The following PCYT1A variants were observed in gnomAD, a reference collection of about 807,000 sequenced individuals.
The protein encoded by PCYT1A is phosphate cytidylyltransferase 1A, choline.
Under a neutral mutation model 43.7 loss-of-function variants are expected in PCYT1A, and 25 were observed. The observed-to-expected ratio is 0.57, with a 90% CI of 0.42 to 0.80. The LOEUF (loss-of-function observed/expected upper bound fraction) is 0.80. Among genes scored for constraint, PCYT1A ranks in the 30% least tolerant of loss-of-function variants. The pLI is 0.00. For missense variants in PCYT1A, 421 were observed against 474.2 expected (o/e 0.89, Z 1.04); for synonymous variants, 172 against 170.7 (o/e 1.01, Z -0.06).
Position 196,268,521 on chromosome 3 carries a change from C to T in PCYT1A, c.117+1894G>A, listed in dbSNP as rs1037876661. Among the ~76,000 whole-genome samples, 5 of 152,116 alleles carry T rather than the reference C, an allele frequency of 3.3e-5. No individual in the cohort carries two copies. The highest frequency in any genetic ancestry group is 5.9e-5 in the Non-Finnish European group (4 of 68,020). Reference sequence around the variant, plus strand: ...TCTGCAGGCCAGGCACAGTGGCTCACGCCTGGTAATCCTAGCACTCTGGGA... The same window carrying T: ...TCTGCAGGCCAGGCACAGTGGCTCATGCCTGGTAATCCTAGCACTCTGGGA... On this transcript the variant is annotated intron_variant, in intron 2 of 8. Coordinates refer to ENST00000431016, the MANE Select transcript of PCYT1A (RefSeq NM_001312673.2). This position sits in a 1 kb window ranked among gnomAD's most constrained non-coding sequence, Gnocchi z 4.4.
chr3:196,276,566 G>A (rs1345765188), intron 1 of PCYT1A, among the ~76,000 whole-genome samples: 1 of 150,786 alleles, frequency 6.6e-6, no homozygotes, highest in African/African-American at 2.4e-5. Context: ...TCGCACCACT[G>A]CACTCCAGCC....
Position 196,242,378 on chromosome 3 carries a change from T to G in PCYT1A, c.565+184A>C. 1 of 707,248 alleles carries G rather than the reference T, an allele frequency of 1.4e-6. No individual in the cohort carries two copies. Among genetic ancestry groups the G allele is most frequent in the African/African-American group, 1.7e-5 (1 of 57,282 alleles). 43.8% of individuals were successfully genotyped at this position (707,248 alleles called of 1,614,324 possible). On this transcript the variant is annotated intron_variant, in intron 6 of 8. Coordinates refer to ENST00000431016, the MANE Select transcript of PCYT1A (RefSeq NM_001312673.2). This position sits in a 1 kb window ranked among gnomAD's most constrained non-coding sequence, Gnocchi z 4.2. ...GATGTTTAGACCAAGAATTGATGGA[T>G]GTCATGAACTGACGACAAAGAATTG...
intron 2 of PCYT1A, chr3:196,267,255 G>C (rs1392228499): frequency 2.2e-6 from 1 of 446,178 alleles, no homozygotes; most frequent in Non-Finnish European, 4.5e-6. Flanking sequence ...CTCAGTGAAA[G>C]AAGCCAGCCC....
intron 5 of PCYT1A, among the ~76,000 whole-genome samples, chr3:196,245,143 CT>C (rs780768606): frequency 3.5e-3 from 493 of 142,040 alleles, no homozygotes; most frequent in African/African-American, 6.8e-3. Context: ...CATTTCACTA[CT>C]TTTTTTTTTT....
In PCYT1A at chr3:196,267,242, A is replaced by C. The variant is rs1470314646; in HGVS notation, c.117+3173T>G. 3 of 440,948 alleles carry C rather than the reference A, an allele frequency of 6.8e-6. No homozygotes were observed. The Admixed American group carries it at 7.6e-5, about 11-fold the overall frequency. The allele number at this position is 440,948 out of a possible 1,614,324, so 27.3% of individuals were successfully genotyped here. ...TGCAGTACGAATGAATCTTCAAAAC[A>C]AGCTCAGTGAAAGAAGCCAGCCCCA... On this transcript the variant is annotated intron_variant, in intron 2 of 8. Transcript: ENST00000431016.
chr3:196,256,832 A>C (rs1724962874), intron 3 of PCYT1A, among the ~76,000 whole-genome samples: 1 of 151,958 alleles, frequency 6.6e-6, no homozygotes, highest in Non-Finnish European at 1.5e-5. Context: ...GTGAGCCACC[A>C]CTCCTGGCCC....
At chr3:196,241,738 G>T in intron 7 of PCYT1A, 1 of 1,301,922 alleles carries the variant, frequency 7.7e-7, no homozygotes. Flanking sequence ...TGGCTGTATG[G>T]CTTTATACGA....
Position 196,247,615 on chromosome 3 carries a change from GC to G in PCYT1A, c.335-98del, listed in dbSNP as rs1300322423. ...CCATCTTCTCCCACTGCTTAGGACT[GC>G]AACCATCTTCCCCAACTGGAAAAAA... On this transcript the variant is annotated intron_variant, in intron 4 of 8. Coordinates refer to ENST00000431016, the MANE Select transcript of PCYT1A (RefSeq NM_001312673.2). This position sits in a 1 kb window ranked among gnomAD's most constrained non-coding sequence, Gnocchi z 4.8. 3.4e-6 allele frequency: 4 copies of G among 1,183,162 alleles called. No homozygotes were observed. Among genetic ancestry groups the G allele is most frequent in the East Asian group, 2.4e-5 (1 of 42,462 alleles). The allele number at this position is 1,183,162 out of a possible 1,614,324, so 73.3% of individuals were successfully genotyped here.
chr3:196,241,131 T>TAA (rs1209954920), intron 7 of PCYT1A, among the ~76,000 whole-genome samples: 2,142 of 49,690 alleles, frequency 0.043, 162 homozygotes, highest in Middle Eastern at 0.087. Flanking sequence ...CCATCTCTGC[T>TAA]AAAAAAAAAA....
At chr3:196,258,348 G>T (rs1029736364) in intron 2 of PCYT1A, among the ~76,000 whole-genome samples, 1 of 151,436 alleles carries the variant, frequency 6.6e-6, no homozygotes, top group African/African-American at 2.4e-5. Flanking sequence ...ATGCTGTTGT[G>T]AATGGAATTG....
At position 196,237,904 on chromosome 3, in the gene PCYT1A, GA is replaced by G. The variant is rs1438256964; in HGVS notation, c.*783del. On this transcript the variant is annotated 3_prime_UTR_variant, in exon 9 of 9. Transcript: ENST00000431016. ...TCCTTCCTTCGAAGGTAGATGGCAC[GA>G]AAGAGACTGACAAAAGCTCCCAAAG... The G allele has an allele frequency of 3.3e-5, 5 of 152,208 alleles. No individual in the cohort carries two copies. The highest frequency in any genetic ancestry group is 1.2e-4 in the African/African-American group (5 of 41,442). 9.4% of individuals were successfully genotyped at this position (152,208 alleles called of 1,614,324 possible).
intron 2 of PCYT1A, among the ~76,000 whole-genome samples, chr3:196,258,103 G>A (rs537776107): frequency 1.3e-5 from 2 of 152,124 alleles, no homozygotes; most frequent in African/African-American, 4.8e-5. Context: ...TGGCTAACAT[G>A]GTGAAACCAG....
intron 2 of PCYT1A, among the ~76,000 whole-genome samples, chr3:196,264,529 A>G (rs1026277081): frequency 6.6e-6 from 1 of 152,208 alleles, no homozygotes; most frequent in African/African-American, 2.4e-5. Context: ...TTCAAAGTTC[A>G]GCTCAGAAAT....
intron 2 of PCYT1A, among the ~76,000 whole-genome samples, chr3:196,260,819 G>C (rs977561930): frequency 2.0e-5 from 3 of 152,160 alleles, no homozygotes; most frequent in Non-Finnish European, 4.4e-5. Flanking sequence ...TCGTCTGGGA[G>C]ATAGAGAAAG....
intron 2 of PCYT1A, among the ~76,000 whole-genome samples, chr3:196,260,597 C>T (rs1233719906): frequency 6.6e-6 from 1 of 152,174 alleles, no homozygotes; most frequent in African/African-American, 2.4e-5. Flanking sequence ...AATCCCAGCA[C>T]TTTGGGAGGC....
chr3:196,239,780 A>T, intron 7 of PCYT1A, 45 bp from the exon 8 acceptor site: 3 of 1,306,512 alleles, frequency 2.3e-6, no homozygotes, highest in Non-Finnish European at 3.3e-6. Context: ...CTCATCCTAA[A>T]CTTCTCTACC....
chr3:196,270,616 T>C (rs556912699), intron 1 of PCYT1A, 75 bp from the exon 2 acceptor site: 26 of 911,214 alleles, frequency 2.9e-5, no homozygotes, highest in South Asian at 2.7e-4. Context: ...TTCAGAGACG[T>C]TGACGTGGAT....
chr3:196,245,403 G>A (rs1724530443), intron 5 of PCYT1A, among the ~76,000 whole-genome samples: 1 of 152,182 alleles, frequency 6.6e-6, no homozygotes, highest in Non-Finnish European at 1.5e-5. Context: ...GCCTCCCAAA[G>A]TGCTGGGATT....
At chr3:196,249,905 G>GCTGAGGCTGAGGACCAGATACACTATA (rs1256626586) in intron 3 of PCYT1A, among the ~76,000 whole-genome samples, 1 of 151,342 alleles carries the variant, frequency 6.6e-6, no homozygotes, top group African/African-American at 2.4e-5. Flanking sequence ...GATACACTAT[G>GCTGAGGCTGAGGACCAGATACACTATA]CTGAGGCTGA....
Sources: allele counts gnomAD v4.1 joint callset (sites outside exome capture counted in the v4.1 genomes callset), GRCh38; gene constraint gnomAD v4.1.1; non-coding constraint Gnocchi (gnomAD v3.1); transcripts MANE v1.5; gene names NCBI Gene and HGNC (gene_info 2026-07-23, HGNC 2026-07-21).